The following ALG12 variants were observed in gnomAD, a reference collection of about 807,000 sequenced individuals.
ALG12 encodes ALG12 alpha-1,6-mannosyltransferase.
In ALG12, 36 loss-of-function variants were observed where a neutral mutation model predicts 46.0. The ratio of observed to expected loss-of-function variants is 0.78; its 90% CI spans 0.60 to 1.03. The LOEUF is 1.03. Among genes scored for constraint, ALG12 ranks in the 50% least tolerant of loss-of-function variants. The probability of loss-of-function intolerance (pLI) is 0.00; values close to 1 mark genes in which losing one functional copy is unlikely to be tolerated. For synonymous variants in ALG12, 326 were observed against 291.6 expected (o/e 1.12, Z -1.20); for missense variants, 599 against 633.5 (o/e 0.95, Z 0.58).
At chr22:49,886,649 C>A in the ALG12 span, 1 of 1,598,914 alleles carries the variant, frequency 6.3e-7, no homozygotes, top group Non-Finnish European at 8.5e-7. This position sits in a 1 kb window ranked among gnomAD's most constrained non-coding sequence, Gnocchi z 7.7. Flanking sequence ...CTGTCTGCCA[C>A]CCTCCACGAC....
chr22:49,864,937 G>GC, the ALG12 span, among the ~76,000 whole-genome samples: 98 of 11,340 alleles, frequency 8.6e-3, 2 homozygotes, highest in East Asian at 0.029. Flanking sequence ...ATCCCAGCAA[G>GC]CCCCCCCCCC....
At chr22:49,871,818 G>T in the ALG12 span, among the ~76,000 whole-genome samples, 2 of 150,946 alleles carry the variant, frequency 1.3e-5, no homozygotes, top group African/African-American at 4.9e-5. Context: ...GCAGTGGTGT[G>T]ATCTCAGCTC....
chr22:49,861,495 C>A, the ALG12 span, among the ~76,000 whole-genome samples: 5 of 151,638 alleles, frequency 3.3e-5, no homozygotes, highest in African/African-American at 1.2e-4. Context: ...GTGCAGTGGC[C>A]TGATCTTGGC....
downstream of ALG12, among the ~76,000 whole-genome samples, chr22:49,895,454 C>G (rs1371386644): frequency 2.0e-5 from 3 of 151,934 alleles, no homozygotes; most frequent in Non-Finnish European, 2.9e-5. Context: ...GAGTTCGAGA[C>G]CAGCCTGGCC....
chr22:49,885,724 T>C, the ALG12 span: 1 of 1,606,962 alleles, frequency 6.2e-7, no homozygotes. Flanking sequence ...GCTTGAATAC[T>C]TGAAACCTCA....
At chr22:49,873,994 A>G in the ALG12 span, among the ~76,000 whole-genome samples, 4 of 152,244 alleles carry the variant, frequency 2.6e-5, no homozygotes, top group Non-Finnish European at 5.9e-5. Flanking sequence ...GAGAACAAGA[A>G]TGAGCTTGAG....
At chr22:49,881,540 G>A in the ALG12 span, among the ~76,000 whole-genome samples, 1 of 152,034 alleles carries the variant, frequency 6.6e-6, no homozygotes, top group Non-Finnish European at 1.5e-5. Flanking sequence ...ACGCACCACC[G>A]CACCTGGCTA....
chr22:49,885,909 C>T, the ALG12 span: 21 of 999,828 alleles, frequency 2.1e-5, no homozygotes, highest in Admixed American at 1.6e-4. Flanking sequence ...TCACGGCCCA[C>T]TGGGTTTCCT....
the ALG12 span, among the ~76,000 whole-genome samples, chr22:49,870,449 C>T: frequency 1.4e-4 from 22 of 152,114 alleles, 1 homozygote; most frequent in Admixed American, 1.4e-3. Context: ...GCCAGCAGTG[C>T]TTGAGTTTCC....
At chr22:49,911,794 G>C (rs971008825) in intron 3 of ALG12, among the ~76,000 whole-genome samples, 1 of 152,182 alleles carries the variant, frequency 6.6e-6, no homozygotes, top group Non-Finnish European at 1.5e-5. Context: ...TCCAGCTGCT[G>C]TATTTTTGGT....
At chr22:49,863,280 C>G in the ALG12 span, among the ~76,000 whole-genome samples, 2 of 152,202 alleles carry the variant, frequency 1.3e-5, no homozygotes, top group African/African-American at 4.8e-5. Flanking sequence ...CCACCTCAGC[C>G]TCCCTAATAA....
rs62233155 is a variant in ALG12 at position 49,904,470 on chromosome 22, C to T, written c.1029G>A (p.Ala343=). The T allele has an allele frequency of 0.034, 54,577 of 1,614,076 alleles. 1,186 individuals carry two copies. The highest frequency in any genetic ancestry group is 0.038 in the Non-Finnish European group (45,410 of 1,179,998). ...NNYKKSWLYK[A]GSLLVIGHLV... is the part of the protein sequence containing the mutation. ...GGTGTCCGATCACAAGCAGAGACCCCGCTTTGTACAGCCAAGACTTTTTAT... is the reference window on the plus strand; with the variant it reads ...GGTGTCCGATCACAAGCAGAGACCCTGCTTTGTACAGCCAAGACTTTTTAT... Residue 343 remains alanine (A), a synonymous_variant, in exon 8 of 10, where the codon GCG becomes GCA. Coordinates refer to ENST00000330817, the MANE Select transcript of ALG12 (RefSeq NM_024105.4).
chr22:49,911,236 C>G (rs1052041467), intron 3 of ALG12, among the ~76,000 whole-genome samples: 1 of 152,202 alleles, frequency 6.6e-6, no homozygotes, highest in African/African-American at 2.4e-5. Context: ...TGCTACCTTT[C>G]CAGAAGGCCA....
chr22:49,876,054 A>T, the ALG12 span, among the ~76,000 whole-genome samples: 25 of 152,044 alleles, frequency 1.6e-4, no homozygotes, highest in East Asian at 4.8e-3. Context: ...ACTGCGTGTA[A>T]TATAAAAGTG....
the ALG12 span, among the ~76,000 whole-genome samples, chr22:49,865,477 C>T: frequency 1.3e-5 from 2 of 151,536 alleles, no homozygotes; most frequent in Admixed American, 6.6e-5. Context: ...GGTGAAACCC[C>T]GTCTCTATTA....
intron 1 of ALG12, 84 bp downstream of exon 1, chr22:49,918,179 G>C (rs920578738): frequency 2.0e-5 from 3 of 152,434 alleles, no homozygotes; most frequent in African/African-American, 4.8e-5. Context: ...GCCAGCGCCA[G>C]CTCGGGTCGC....
At chr22:49,914,883 A>G (rs2060601056) in intron 1 of ALG12, among the ~76,000 whole-genome samples, 1 of 152,200 alleles carries the variant, frequency 6.6e-6, no homozygotes, top group Non-Finnish European at 1.5e-5. Flanking sequence ...GTGGGTCACC[A>G]CACTCAGCTA....
At chr22:49,872,717 T>C in the ALG12 span, among the ~76,000 whole-genome samples, 1 of 151,820 alleles carries the variant, frequency 6.6e-6, no homozygotes, top group South Asian at 2.1e-4. Flanking sequence ...TTTTTTTTTT[T>C]TTCCTGAGAT....
At chr22:49,912,205 C>T in intron 3 of ALG12, among the ~76,000 whole-genome samples, 1 of 151,796 alleles carries the variant, frequency 6.6e-6, no homozygotes, top group East Asian at 1.9e-4. Context: ...GGATTTTGGC[C>T]TGTGGCAGGG....
Sources: gnomAD v4.1 joint callset for allele counts (sites outside exome capture counted in the v4.1 genomes callset) on GRCh38, gnomAD v4.1.1 for gene constraint, Gnocchi (gnomAD v3.1) non-coding constraint, MANE v1.5 for transcripts, NCBI Gene and HGNC (gene_info 2026-07-23, HGNC 2026-07-21) for gene names.